The following MAST2 variants were observed in gnomAD, a reference collection of about 807,000 sequenced individuals.
MAST2 encodes microtubule-associated serine/threonine-protein kinase 2.
In MAST2, 70 loss-of-function variants were observed where a neutral mutation model predicts 147.4. The observed-to-expected ratio is 0.47, with a 90% confidence interval of 0.39 to 0.58. The LOEUF (loss-of-function observed/expected upper bound fraction) is 0.58, where lower values mean the gene tolerates loss of function less well. MAST2 is among the 20% of genes least tolerant of loss of function. The pLI, the probability that MAST2 is intolerant of heterozygous loss-of-function variation, is 0.00. For missense variants in MAST2, 2,080 were observed against 2,302.3 expected (o/e 0.90, Z 1.98); for synonymous variants, 869 against 896.8 (o/e 0.97, Z 0.55).
intron 5 of MAST2, among the ~76,000 whole-genome samples, chr1:45,969,875 G>A (rs1486604681): frequency 6.6e-6 from 1 of 152,102 alleles, no homozygotes; most frequent in Non-Finnish European, 1.5e-5. Context: ...AAAAAGGTTG[G>A]GGAATGCTGT....
At chr1:45,813,980 A>G (rs1570178958) in intron 1 of MAST2, among the ~76,000 whole-genome samples, 1 of 152,104 alleles carries the variant, frequency 6.6e-6, no homozygotes, top group East Asian at 1.9e-4. Flanking sequence ...GAGTTGAAAA[A>G]TTTCTATTGC....
At chr1:45,861,243 T>G (rs141848210) in intron 3 of MAST2, among the ~76,000 whole-genome samples, 2 of 152,326 alleles carry the variant, frequency 1.3e-5, no homozygotes, top group East Asian at 3.9e-4. Flanking sequence ...TAAAGCTGTT[T>G]AGTAAAACTT....
At chr1:45,911,086 T>C (rs1345071841) in intron 4 of MAST2, among the ~76,000 whole-genome samples, 3 of 152,220 alleles carry the variant, frequency 2.0e-5, no homozygotes, top group African/African-American at 4.8e-5. Flanking sequence ...CTTCTGGCTC[T>C]ACAGTCAATA....
At chr1:46,033,432 C>G (rs1400818265) in intron 26 of MAST2, among the ~76,000 whole-genome samples, 1 of 149,804 alleles carries the variant, frequency 6.7e-6, no homozygotes, top group African/African-American at 2.5e-5. Flanking sequence ...GAGTGAGACT[C>G]TGTCTTAAAA....
chr1:45,954,388 CG>C (rs1659366230), intron 4 of MAST2, among the ~76,000 whole-genome samples: 1 of 152,138 alleles, frequency 6.6e-6, no homozygotes, highest in Non-Finnish European at 1.5e-5. Flanking sequence ...AGAGAATGCA[CG>C]ATATGCCTTA....
At chr1:45,921,957 A>T (rs1653569017) in intron 4 of MAST2, among the ~76,000 whole-genome samples, 1 of 152,210 alleles carries the variant, frequency 6.6e-6, no homozygotes, top group Non-Finnish European at 1.5e-5. Flanking sequence ...AGCAAGACAA[A>T]GGGGAACTTT....
intron 1 of MAST2, among the ~76,000 whole-genome samples, chr1:45,810,766 G>A (rs1431145030): frequency 1.4e-5 from 2 of 139,012 alleles, no homozygotes; most frequent in Non-Finnish European, 1.5e-5. Flanking sequence ...AGCCAAGATC[G>A]CGCCACGGTA....
intron 3 of MAST2, among the ~76,000 whole-genome samples, chr1:45,850,612 C>G (rs1406118380): frequency 6.6e-6 from 1 of 152,060 alleles, no homozygotes; most frequent in East Asian, 1.9e-4. Flanking sequence ...TTTAATCCAT[C>G]TTGAGTTAAT....
intron 6 of MAST2, chr1:46,001,010 G>A: frequency 7.8e-7 from 1 of 1,286,776 alleles, no homozygotes; most frequent in Non-Finnish European, 1.0e-6. Flanking sequence ...GAGAGGGGCT[G>A]GGAAACTGCT....
At position 45,920,001 on chromosome 1, in the gene MAST2, T is replaced by G. The variant is rs139951650; in HGVS notation, c.500+37606T>G. On this transcript the variant is annotated intron_variant, in intron 4 of 28. Coordinates refer to ENST00000361297, the MANE Select transcript of MAST2 (RefSeq NM_015112.3). ...AGTTATTTAGAAATTGTTTGATCCT[T>G]TGAAGGAATACTTTCAGGCTTTGTT... Among the ~76,000 whole-genome samples, 24 of 152,320 alleles carry G rather than the reference T, an allele frequency of 1.6e-4. No individual in the cohort carries two copies. The East Asian group carries it at 4.1e-3, about 26-fold the overall frequency.
intron 4 of MAST2, among the ~76,000 whole-genome samples, chr1:45,950,231 G>A (rs747603331): frequency 2.0e-5 from 3 of 152,116 alleles, no homozygotes; most frequent in Non-Finnish European, 4.4e-5. Context: ...AATAATAACA[G>A]TGGGAGCCAG....
chr1:45,807,336 C>T (rs376503817), intron 1 of MAST2, among the ~76,000 whole-genome samples: 1 of 152,054 alleles, frequency 6.6e-6, no homozygotes, highest in Admixed American at 6.6e-5. Flanking sequence ...TTATTGTGCT[C>T]TATTTAGCAG....
At chr1:45,884,272 G>A (rs973842381) in intron 4 of MAST2, among the ~76,000 whole-genome samples, 2 of 152,104 alleles carry the variant, frequency 1.3e-5, no homozygotes, top group Non-Finnish European at 2.9e-5. Context: ...TCTGGGTCAG[G>A]TGCGGTGGCT....
chr1:45,806,430 C>T (rs943037040), intron 1 of MAST2, among the ~76,000 whole-genome samples: 10 of 152,158 alleles, frequency 6.6e-5, no homozygotes, highest in African/African-American at 2.4e-4. Context: ...GACAGGATCT[C>T]ACTCTGTCAC....
chr1:45,989,485 A>G (rs1173945580), intron 5 of MAST2, among the ~76,000 whole-genome samples: 1 of 152,064 alleles, frequency 6.6e-6, no homozygotes, highest in Non-Finnish European at 1.5e-5. Flanking sequence ...TGTTTCATAC[A>G]TTTGTAATAC....
chr1:45,915,301 CT>C (rs979289052), intron 4 of MAST2, among the ~76,000 whole-genome samples: 9 of 152,156 alleles, frequency 5.9e-5, no homozygotes, highest in African/African-American at 1.9e-4. Flanking sequence ...AAAATACCCC[CT>C]GAGGAGCTAA....
intron 4 of MAST2, among the ~76,000 whole-genome samples, chr1:45,909,242 T>G (rs542875602): frequency 6.6e-5 from 10 of 152,168 alleles, no homozygotes; most frequent in Admixed American, 3.3e-4. Flanking sequence ...CTTAAAAAAG[T>G]TAGGTATCTT....
At chr1:46,018,208 C>A (rs542336891) in intron 10 of MAST2, among the ~76,000 whole-genome samples, 28 of 152,174 alleles carry the variant, frequency 1.8e-4, no homozygotes, top group Non-Finnish European at 3.7e-4. Context: ...TCCGGCATGC[C>A]TGGTCTCCCC....
chr1:45,863,391 C>A (rs567620385), intron 3 of MAST2, among the ~76,000 whole-genome samples: 4 of 152,238 alleles, frequency 2.6e-5, no homozygotes, highest in Non-Finnish European at 4.4e-5. Flanking sequence ...TAGACATAAT[C>A]CAGCCGTTAG....
Sources: gnomAD v4.1 joint callset for allele counts (sites outside exome capture counted in the v4.1 genomes callset) on GRCh38, gnomAD v4.1.1 for gene constraint, MANE v1.5 for transcripts, NCBI Gene and HGNC (gene_info 2026-07-23, HGNC 2026-07-21) for gene names.